LSS: variants seen among roughly 807,000 people sequenced by gnomAD.
LSS encodes the protein 2,3-epoxysqualene-lanosterol cyclase.
In LSS, 90 loss-of-function variants were observed where a neutral mutation model predicts 110.3. That is an observed-to-expected ratio of 0.82 (90% CI 0.69 to 0.97). The LOEUF (loss-of-function observed/expected upper bound fraction) is 0.97, where lower values mean the gene tolerates loss of function less well. Among genes scored for constraint, LSS ranks in the 50% least tolerant of loss-of-function variants. The pLI, the probability that LSS is intolerant of heterozygous loss-of-function variation, is 0.00. For synonymous variants in LSS, 433 were observed against 400.0 expected, an observed-to-expected ratio of 1.08 and a Z score of -0.98; for missense variants, 927 against 990.0, an observed-to-expected ratio of 0.94 and a Z score of 0.85.
At position 46,209,314 on chromosome 21, in the gene LSS, GA is replaced by G. The variant is rs1421664430; in HGVS notation, c.1266+239del. Among the ~76,000 whole-genome samples the G allele has an allele frequency of 6.6e-6, 1 of 152,036 alleles. No individual in the cohort carries two copies. The highest frequency in any genetic ancestry group is 1.5e-5 in the Non-Finnish European group (1 of 67,996). On this transcript the variant is annotated intron_variant, in intron 13 of 21. Coordinates refer to ENST00000397728, the MANE Select transcript of LSS (RefSeq NM_002340.6). This position sits in a 1 kb window ranked among gnomAD's most constrained non-coding sequence, Gnocchi z 4.4. The stretch of plus-strand genomic sequence containing the variant: ...GTGGCTCCAACATGAGCAGGACGCA[GA>G]AACTGCCAGCACCCCCAGCACCCTG...
rs565705827 is a variant in LSS at position 46,215,002 on chromosome 21, T to C, written c.1011+178A>G. On this transcript the variant is annotated intron_variant, in intron 9 of 21. Coordinates refer to ENST00000397728, the MANE Select transcript of LSS (RefSeq NM_002340.6). The stretch of plus-strand genomic sequence containing the variant: ...TGGGGCAACTTCACTGAGCTGGGCG[T>C]GCAGGGGTCCAGGACAGAAGCCCTC... 3.9e-5 allele frequency among the ~76,000 whole-genome samples: 6 copies of C among 151,954 alleles called. No homozygotes were observed. The South Asian group carries it at 8.3e-4, about 21-fold the overall frequency.
intron 15 of LSS, 119 bp downstream of exon 15, chr21:46,207,309 A>G: frequency 7.9e-7 from 1 of 1,263,608 alleles, no homozygotes; most frequent in African/African-American, 1.5e-5. Context: ...ATCCAAGGAC[A>G]AGCTCCTACG....
At chr21:46,222,814 G>A (rs2080294328) in intron 3 of LSS, 76 bp from the exon 4 acceptor site, 2 of 1,079,166 alleles carry the variant, frequency 1.9e-6, no homozygotes, top group African/African-American at 1.5e-5. Context: ...TTCCTCCTGA[G>A]CACCTCACTC....
rs770023883 is a variant in LSS, at chr21:46,228,464, G to A, written c.150C>T (p.Gly50=). ...CCAGCCCCAGGGCGTAGGCTTCCAG[G>A]CCGGTCTGCTCGCGGCCGGCGCGCT... ...QDERAGREQT[G]LEAYALGLDT... The change falls in exon 2 of 22, where the codon GGC becomes GGT. Residue 50 remains glycine, a synonymous_variant. Transcript: ENST00000397728. 2.4e-5 allele frequency: 39 copies of A among 1,603,588 alleles called. No individual in the cohort carries two copies. Among genetic ancestry groups the A allele is most frequent in the Non-Finnish European group, 3.2e-5 (38 of 1,179,622 alleles).
At chr21:46,191,729 C>G (rs563114089) in intron 21 of LSS, 152 bp downstream of exon 21, 2 of 671,840 alleles carry the variant, frequency 3.0e-6, no homozygotes, top group South Asian at 3.4e-5. Flanking sequence ...TGCCACAGAC[C>G]TGCCACCAAC....
Position 46,189,578 on chromosome 21 carries a change from TG to T in LSS, c.*1525del. ...AGAAGACCCCAGAGGGTGCGGCACC[TG>T]GGTGAGAGCCCTGGACTGCACACCA... is the stretch of plus-strand genomic sequence containing the variant. On this transcript the variant is annotated 3_prime_UTR_variant, in exon 22 of 22. Transcript: ENST00000397728. 1 of 441,780 alleles carries T rather than the reference TG, an allele frequency of 2.3e-6. No homozygotes were observed. The highest frequency in any genetic ancestry group is 1.6e-5 in the South Asian group (1 of 62,382). 27.4% of individuals were successfully genotyped at this position (441,780 alleles called of 1,614,324 possible). A position where few individuals can be genotyped will look rare whatever the true frequency, so the allele number is the denominator to read the frequency against.
At chr21:46,212,191 C>T (rs2080143243) in intron 11 of LSS, among the ~76,000 whole-genome samples, 1 of 152,198 alleles carries the variant, frequency 6.6e-6, no homozygotes, top group South Asian at 2.1e-4. Context: ...CTCTGGGGAG[C>T]TCAAGGCCAG....
chr21:46,198,410 TATG>T (rs1490482076), intron 17 of LSS, among the ~76,000 whole-genome samples: 1 of 152,176 alleles, frequency 6.6e-6, no homozygotes, highest in Non-Finnish European at 1.5e-5. Flanking sequence ...AAGATCTATA[TATG>T]ATGAAAACTA....
chr21:46,203,047 C>T (rs1389725346), intron 17 of LSS, among the ~76,000 whole-genome samples: 1 of 152,186 alleles, frequency 6.6e-6, no homozygotes, highest in Admixed American at 6.5e-5. Context: ...CACAATCCCA[C>T]CACTCTGTGA....
At chr21:46,207,677 C>A in intron 14 of LSS, 100 bp from the exon 15 acceptor site, 1 of 1,387,108 alleles carries the variant, frequency 7.2e-7, no homozygotes, top group Non-Finnish European at 9.8e-7. Context: ...ACAGAGCACC[C>A]GGTCAGGGCA....
chr21:46,205,755 G>C, intron 17 of LSS, 81 bp downstream of exon 17: 1 of 1,096,074 alleles, frequency 9.1e-7, no homozygotes, highest in Non-Finnish European at 1.3e-6. Flanking sequence ...GGGCCACCAG[G>C]GCCGTGTCAC....
At chr21:46,202,169 C>T (rs1254001672) in intron 17 of LSS, among the ~76,000 whole-genome samples, 7 of 138,002 alleles carry the variant, frequency 5.1e-5, no homozygotes, top group East Asian at 2.3e-4. Flanking sequence ...CCGAGGCGGG[C>T]GGATCACGAG....
In LSS at chr21:46,227,583, A is replaced by G; in HGVS notation, c.288T>C (p.Gly96=). The G allele has an allele frequency of 6.2e-7, 1 of 1,612,338 alleles. No homozygotes were observed. The highest frequency in any genetic ancestry group is 1.3e-5 in the African/African-American group (1 of 74,520). The change falls in exon 3 of 22, where the codon GGT becomes GGC. Residue 96 remains glycine, a synonymous_variant. Coordinates refer to ENST00000397728, the MANE Select transcript of LSS (RefSeq NM_002340.6). ...GGAGGAAAAGTGGGCCACCATAATC[A>G]CCCGTCCAGTGCCCATCCTCAGCCT... ...GLQAEDGHWT[G]DYGGPLFLLP...
In LSS at chr21:46,227,734, C is replaced by T. The variant is rs369813031; in HGVS notation, c.181-44G>A. 9 of 1,607,676 alleles carry T rather than the reference C, an allele frequency of 5.6e-6. No homozygotes were observed. In the African/African-American group the frequency reaches 1.1e-4, roughly 19 times the overall value. Reference sequence around the variant, plus strand: ...AAAAAAAAAGAGATAGCTGACGGGACTGTTGCCCGGCCAGAGGAACCCTCT... The same window carrying T: ...AAAAAAAAAGAGATAGCTGACGGGATTGTTGCCCGGCCAGAGGAACCCTCT... On this transcript the variant is annotated intron_variant, in intron 2 of 21. Coordinates refer to ENST00000397728, the MANE Select transcript of LSS (RefSeq NM_002340.6).
intron 20 of LSS, chr21:46,193,116 G>A: frequency 2.2e-6 from 1 of 446,628 alleles, no homozygotes; most frequent in South Asian, 1.6e-5. Flanking sequence ...TGTGTACACA[G>A]GTGCCTGTGC....
At chr21:46,191,306 C>T (rs1419229169) in intron 21 of LSS, 71 bp from the exon 22 acceptor site, 1 of 1,575,822 alleles carries the variant, frequency 6.3e-7, no homozygotes. Context: ...GAACTGGAGC[C>T]CTGGCTGTTG....
rs1263557166 is a variant in LSS, at chr21:46,227,646, C to CTT, written c.224_225insAA (p.Gly76ArgfsTer4). The CTT allele has an allele frequency of 6.2e-7, 1 of 1,613,940 alleles. No individual in the cohort carries two copies. The highest frequency in any genetic ancestry group is 2.2e-5 in the East Asian group (1 of 44,880). On this transcript the variant is annotated frameshift_variant, in exon 3 of 22. Transcript: ENST00000397728. LOFTEE classifies it high-confidence loss of function. ...AAAATGTCATCCCGTTCAGAGCCCC[C>CTT]TCAAAGGCGGTGTGGGCTTTGGGCA...
chr21:46,217,449 C>T (rs982221927), intron 6 of LSS, among the ~76,000 whole-genome samples: 1 of 152,172 alleles, frequency 6.6e-6, no homozygotes, highest in Non-Finnish European at 1.5e-5. Context: ...ATGCTAGCCC[C>T]ATCCTTAAGT....
At chr21:46,207,173 G>A (rs781372363) in intron 15 of LSS, among the ~76,000 whole-genome samples, 43 of 152,376 alleles carry the variant, frequency 2.8e-4, no homozygotes, top group Middle Eastern at 3.4e-3. Context: ...TGGGGGCCAC[G>A]CCGGCTCCCC....
Sources: gnomAD v4.1 joint callset for allele counts (sites outside exome capture counted in the v4.1 genomes callset) on GRCh38, gnomAD v4.1.1 for gene constraint, Gnocchi (gnomAD v3.1) non-coding constraint, MANE v1.5 for transcripts, NCBI Gene and HGNC (gene_info 2026-07-23, HGNC 2026-07-21) for gene names.